Variants in PIK3CB observed in about 807,000 individuals in gnomAD.
The protein encoded by PIK3CB is phosphatidylinositol 4,5-bisphosphate 3-kinase catalytic subunit beta isoform.
Under a neutral mutation model 136.8 loss-of-function variants are expected in PIK3CB, and 39 were observed. The ratio of observed to expected loss-of-function variants is 0.29; its 90% CI spans 0.22 to 0.37. The LOEUF is 0.37. Among genes scored for constraint, PIK3CB ranks in the 10% least tolerant of loss-of-function variants. The pLI, the probability that PIK3CB is intolerant of heterozygous loss-of-function variation, is 1.00. For synonymous variants in PIK3CB, 428 were observed against 436.6 expected (o/e 0.98, Z 0.25); for missense variants, 868 against 1,275.4 (o/e 0.68, Z 4.87).
intron 2 of PIK3CB, among the ~76,000 whole-genome samples, chr3:138,760,459 ATGC>A (rs750542909): frequency 7.2e-5 from 11 of 152,074 alleles, no homozygotes; most frequent in Non-Finnish European, 1.2e-4. Context: ...ATCCCAACAA[ATGC>A]ACCCTTTAAT....
intron 12 of PIK3CB, among the ~76,000 whole-genome samples, chr3:138,700,373 A>G (rs2044225296): frequency 6.6e-6 from 1 of 152,126 alleles, no homozygotes; most frequent in Admixed American, 6.5e-5. Context: ...AAAGTACTAG[A>G]TGAGTGTGGA....
chr3:138,790,994 A>T (rs2046042211), intron 2 of PIK3CB, among the ~76,000 whole-genome samples: 1 of 151,978 alleles, frequency 6.6e-6, no homozygotes, highest in African/African-American at 2.4e-5. Flanking sequence ...ACCTGAAGCC[A>T]AATAAACTTG....
At position 138,788,141 on chromosome 3, in the gene PIK3CB, T is replaced by C. The variant is rs140637091; in HGVS notation, c.-17+8322A>G. ...TTTTGCCATGTTGGCCAGGCCGGTC[T>C]CTAACTCCTGACCTCAGGTGGTCTG... On this transcript the variant is annotated intron_variant, in intron 2 of 23. Coordinates refer to ENST00000674063, the MANE Select transcript of PIK3CB (RefSeq NM_006219.3). 7.0e-3 allele frequency among the ~76,000 whole-genome samples: 1,068 copies of C among 151,608 alleles called. 12 individuals carry two copies. The highest frequency in any genetic ancestry group is 0.025 in the African/African-American group (1,019 of 41,422).
At chr3:138,656,051 C>T (rs1169681828) in intron 23 of PIK3CB, 91 bp downstream of exon 23, 26 of 1,317,794 alleles carry the variant, frequency 2.0e-5, no homozygotes, top group Non-Finnish European at 2.8e-5. Context: ...TGACTTTGTT[C>T]TACTTCCTTC....
At chr3:138,741,613 G>C (rs2045246524) in intron 5 of PIK3CB, among the ~76,000 whole-genome samples, 1 of 152,146 alleles carries the variant, frequency 6.6e-6, no homozygotes, top group Non-Finnish European at 1.5e-5. Flanking sequence ...TGGATCATCT[G>C]AGGTCAGAAG....
At chr3:138,723,827 A>C (rs1453232275) in intron 8 of PIK3CB, among the ~76,000 whole-genome samples, 1 of 152,214 alleles carries the variant, frequency 6.6e-6, no homozygotes, top group Non-Finnish European at 1.5e-5. Context: ...TTGTTCCACA[A>C]TATGGCCAAA....
At chr3:138,719,189 C>A (rs2108598019) in intron 8 of PIK3CB, among the ~76,000 whole-genome samples, 1 of 149,074 alleles carries the variant, frequency 6.7e-6, no homozygotes, top group South Asian at 2.1e-4. Context: ...ACCTTATATG[C>A]TATAAACAAA....
chr3:138,788,169 C>T (rs970210199), intron 2 of PIK3CB, among the ~76,000 whole-genome samples: 3 of 151,728 alleles, frequency 2.0e-5, no homozygotes, highest in Non-Finnish European at 4.4e-5. Context: ...GTGGTCTGCC[C>T]GCCTTGGCCT....
At chr3:138,684,968 CATACA>C (rs2043853556) in intron 16 of PIK3CB, 165 bp from the exon 17 acceptor site, 5 of 526,398 alleles carry the variant, frequency 9.5e-6, no homozygotes, top group Non-Finnish European at 1.3e-5. Context: ...AAGCATTTTA[CATACA>C]ATAAACTTAT....
chr3:138,758,796 C>G (rs2197387), intron 3 of PIK3CB, among the ~76,000 whole-genome samples: 4 of 151,868 alleles, frequency 2.6e-5, no homozygotes. Context: ...ACTAATGCAA[C>G]AGAAAAGGCA....
At chr3:138,723,207 G>A (rs1162170605) in intron 8 of PIK3CB, among the ~76,000 whole-genome samples, 1 of 152,044 alleles carries the variant, frequency 6.6e-6, no homozygotes, top group East Asian at 1.9e-4. Context: ...TTTGATCTGG[G>A]TTATCTTCAA....
chr3:138,788,303 T>C (rs1312732889), intron 2 of PIK3CB, among the ~76,000 whole-genome samples: 1 of 152,142 alleles, frequency 6.6e-6, no homozygotes, highest in African/African-American at 2.4e-5. Context: ...CAGAAAACAG[T>C]GTATGATAAA....
At chr3:138,661,267 C>T (rs747743848) in intron 21 of PIK3CB, among the ~76,000 whole-genome samples, 4 of 152,214 alleles carry the variant, frequency 2.6e-5, no homozygotes, top group African/African-American at 4.8e-5. Context: ...GAGTGCCTAA[C>T]TGTTCCATAT....
chr3:138,673,444 A>G (rs955929767), intron 19 of PIK3CB, among the ~76,000 whole-genome samples: 3 of 152,212 alleles, frequency 2.0e-5, no homozygotes, highest in African/African-American at 7.2e-5. Flanking sequence ...CGATAACCAG[A>G]CCGAGAACAG....
intron 2 of PIK3CB, among the ~76,000 whole-genome samples, chr3:138,765,227 G>A (rs574137854): frequency 2.0e-5 from 3 of 152,232 alleles, no homozygotes; most frequent in African/African-American, 4.8e-5. Context: ...TGAGGCAGGA[G>A]AATTGCTTGA....
At chr3:138,825,678 C>T in intron 1 of PIK3CB, 1 of 651,060 alleles carries the variant, frequency 1.5e-6, no homozygotes. Context: ...CTGACAAACC[C>T]TTGCATCTGT....
chr3:138,778,273 C>G (rs190612583), intron 2 of PIK3CB: 5 of 402,954 alleles, frequency 1.2e-5, no homozygotes, highest in South Asian at 9.3e-5. Context: ...AGCAAACCTT[C>G]TATACCACTA....
intron 1 of PIK3CB, among the ~76,000 whole-genome samples, chr3:138,816,504 G>A (rs978105565): frequency 1.3e-5 from 2 of 152,032 alleles, no homozygotes; most frequent in African/African-American, 4.8e-5. Context: ...TGAGGCAGGA[G>A]AATCACTTGA....
chr3:138,703,909 T>A (rs532505687), intron 12 of PIK3CB, among the ~76,000 whole-genome samples: 3 of 152,328 alleles, frequency 2.0e-5, no homozygotes, highest in East Asian at 3.9e-4. Context: ...TGATACATAC[T>A]AATGATATCC....
Sources: allele counts gnomAD v4.1 joint callset (sites outside exome capture counted in the v4.1 genomes callset), GRCh38; gene constraint gnomAD v4.1.1; transcripts MANE v1.5; gene names NCBI Gene and HGNC (gene_info 2026-07-23, HGNC 2026-07-21).